HERC1: variants seen among roughly 807,000 people sequenced by gnomAD.
HERC1 encodes the protein HECT and RLD domain containing E3 ubiquitin protein ligase family member 1.
In HERC1, 160 loss-of-function variants were observed where a neutral mutation model predicts 554.3. The ratio of observed to expected loss-of-function variants is 0.29; its 90% CI spans 0.25 to 0.33. The LOEUF (loss-of-function observed/expected upper bound fraction) is 0.33, where lower values mean the gene tolerates loss of function less well. HERC1 is among the 10% of genes least tolerant of loss of function. HERC1 has a pLI of 1.00. For missense variants in HERC1, 4,919 were observed against 5,918.5 expected, an observed-to-expected ratio of 0.83 and a Z score of 5.54; for synonymous variants, 2,175 against 2,131.7, an observed-to-expected ratio of 1.02 and a Z score of -0.56.
In HERC1 at chr15:63,630,502, T is replaced by A; in HGVS notation, c.12930A>T (p.Gly4310=). 1.9e-6 allele frequency: 3 copies of A among 1,613,916 alleles called. No individual in the cohort carries two copies. The highest frequency in any genetic ancestry group is 2.5e-6 in the Non-Finnish European group (3 of 1,179,856). ...AATTGCTCCCCCAGGCATACACATCTCCATTTGATGCCAAAGCAAGTGTGT... is the reference window on the plus strand; with the variant it reads ...AATTGCTCCCCCAGGCATACACATCACCATTTGATGCCAAAGCAAGTGTGT... ...AEHTLALASN[G]DVYAWGSNSE... Residue 4310 remains glycine, a synonymous_variant, in exon 69 of 78, where the codon GGA becomes GGT. Transcript: ENST00000443617.
At position 63,769,442 on chromosome 15, in the gene HERC1, G is replaced by T. The variant is rs539033875; in HGVS notation, c.931-5251C>A. 8.5e-5 allele frequency among the ~76,000 whole-genome samples: 13 copies of T among 152,162 alleles called. No homozygotes were observed. The South Asian group carries it at 2.7e-3, about 32-fold the overall frequency. Reference sequence around the variant, plus strand: ...TTCCAAAAAAAACAGGGCTAAAGCTGGGCATTTTTAGAGAAAATAAATTTT... The same window carrying T: ...TTCCAAAAAAAACAGGGCTAAAGCTTGGCATTTTTAGAGAAAATAAATTTT... On this transcript the variant is annotated intron_variant, in intron 2 of 77. Transcript: ENST00000443617.
At chr15:63,721,290 G>A (rs1255396297) in intron 19 of HERC1, among the ~76,000 whole-genome samples, 9 of 152,264 alleles carry the variant, frequency 5.9e-5, no homozygotes, top group South Asian at 2.1e-4. Context: ...TTGGGAAGCC[G>A]AGGCGGATGG....
At chr15:63,717,981 T>C (rs969091741) in intron 21 of HERC1, among the ~76,000 whole-genome samples, 2 of 152,190 alleles carry the variant, frequency 1.3e-5, no homozygotes, top group Non-Finnish European at 1.5e-5. Context: ...CCCCATTTGA[T>C]TGTTACCCTT....
rs1275714724 is a variant in HERC1, at chr15:63,749,008, G to T, written c.2219+359C>A. ...AACCAACCAGATTGAGAGCACTGAG[G>T]TTAAACATTAAATCAATAAAGCCTA... On this transcript the variant is annotated intron_variant, in intron 10 of 77. Transcript: ENST00000443617. The surrounding 1 kb of genome is among the most constrained non-coding windows in gnomAD (Gnocchi z 4.1). Among the ~76,000 whole-genome samples the T allele has an allele frequency of 6.6e-6, 1 of 150,996 alleles. No homozygotes were observed. The highest frequency in any genetic ancestry group is 1.9e-4 in the East Asian group (1 of 5,180).
At chr15:63,696,363 G>T (rs1009658996) in intron 26 of HERC1, 24 bp from the exon 27 acceptor site, 2 of 1,543,670 alleles carry the variant, frequency 1.3e-6, no homozygotes, top group Non-Finnish European at 1.8e-6. Context: ...ACATATTTTA[G>T]AGTTCTTCAC....
intron 66 of HERC1, 34 bp from the exon 67 acceptor site, chr15:63,634,004 A>C (rs1413848825): frequency 6.2e-7 from 1 of 1,612,942 alleles, no homozygotes; most frequent in Non-Finnish European, 8.5e-7. Context: ...AAGGCAAATC[A>C]CAAGACCTAA....
chr15:63,743,190 G>A (rs1157528360), intron 12 of HERC1, among the ~76,000 whole-genome samples: 7 of 150,696 alleles, frequency 4.6e-5, no homozygotes, highest in Non-Finnish European at 1.0e-4. Context: ...TCCTGTAGGT[G>A]TGCTTCAACC....
Position 63,612,645 on chromosome 15 carries a change from C to T in HERC1, c.14095-89G>A, listed in dbSNP as rs375073960. ...TGTGGGGCTAGGCGCCTCCTGATGC[C>T]TGCTCGTCCGCTCCCCAGACCCTCT... On this transcript the variant is annotated intron_variant, in intron 76 of 77. Transcript: ENST00000443617. The surrounding 1 kb of genome is among the most constrained non-coding windows in gnomAD (Gnocchi z 5.0). The T allele has an allele frequency of 3.8e-5, 49 of 1,292,472 alleles. 1 individual carries two copies. The highest frequency in any genetic ancestry group is 1.2e-4 in the East Asian group (5 of 41,944). The allele number at this position is 1,292,472 out of a possible 1,614,324, so 80.1% of individuals were successfully genotyped here. A position where few individuals can be genotyped will look rare whatever the true frequency, so the allele number is the denominator to read the frequency against.
intron 34 of HERC1, among the ~76,000 whole-genome samples, chr15:63,682,596 A>C (rs62014182): frequency 6.6e-6 from 1 of 152,124 alleles, no homozygotes; most frequent in East Asian, 1.9e-4. Flanking sequence ...GAAAGCAAGA[A>C]CCCCATCTCT....
Position 63,694,067 on chromosome 15 carries a change from A to C in HERC1, c.5571T>G (p.Gly1857=). The C allele has an allele frequency of 6.2e-7, 1 of 1,609,000 alleles. No homozygotes were observed. Among genetic ancestry groups the C allele is most frequent in the Non-Finnish European group, 8.5e-7 (1 of 1,177,526 alleles). Residue 1857 remains glycine (G), a synonymous_variant, in exon 30 of 78, where the codon GGT becomes GGG. Transcript: ENST00000443617. This position sits in a 1 kb window ranked among gnomAD's most constrained non-coding sequence, Gnocchi z 4.3. ...SQLKNLLSQT[G]VLHMASFGEG... Reference sequence around the variant, plus strand: ...CTCCGAAAGAGGCCATATGTAGTACACCAGTTTGGGACAATAAATTCTTCA... The same window carrying C: ...CTCCGAAAGAGGCCATATGTAGTACCCCAGTTTGGGACAATAAATTCTTCA...
intron 60 of HERC1, 111 bp downstream of exon 60, chr15:63,641,359 C>G (rs535559682): frequency 1.6e-4 from 140 of 850,624 alleles, no homozygotes; most frequent in Non-Finnish European, 2.2e-4. Flanking sequence ...CCCAAATAGC[C>G]CCACTTATTA....
chr15:63,667,109 T>C (rs1162464606), intron 40 of HERC1, among the ~76,000 whole-genome samples: 1 of 152,218 alleles, frequency 6.6e-6, no homozygotes, highest in Non-Finnish European at 1.5e-5. Context: ...TGAGCTATAG[T>C]GTTGGTGGCC....
At chr15:63,814,961 G>A (rs960044792) in intron 1 of HERC1, among the ~76,000 whole-genome samples, 1 of 152,208 alleles carries the variant, frequency 6.6e-6, no homozygotes, top group Non-Finnish European at 1.5e-5. Flanking sequence ...TATAACCTCA[G>A]ATCTCATGTA....
intron 2 of HERC1, among the ~76,000 whole-genome samples, chr15:63,772,992 T>C (rs1439414777): frequency 4.6e-5 from 7 of 152,164 alleles, no homozygotes; most frequent in Non-Finnish European, 5.9e-5. Context: ...TTCAACATAA[T>C]TGGATTTTAT....
chr15:63,722,349 C>T (rs978097008), intron 19 of HERC1, among the ~76,000 whole-genome samples: 1 of 152,136 alleles, frequency 6.6e-6, no homozygotes, highest in Non-Finnish European at 1.5e-5. Flanking sequence ...CTTCTAAGTA[C>T]ACATCCTTTC....
intron 48 of HERC1, among the ~76,000 whole-genome samples, chr15:63,657,840 C>G (rs1322065396): frequency 6.7e-6 from 1 of 150,350 alleles, no homozygotes; most frequent in South Asian, 2.1e-4. Context: ...CTTTTTTTTT[C>G]TATGTGGATA....
chr15:63,647,870 G>GTGGAATGAT (rs551887669), intron 55 of HERC1, among the ~76,000 whole-genome samples, 199 bp downstream of exon 55: 1 of 152,244 alleles, frequency 6.6e-6, no homozygotes, highest in Non-Finnish European at 1.5e-5. Context: ...GGCCTAGAGT[G>GTGGAATGAT]TGGAATGATA....
chr15:63,770,083 T>C (rs550930908), intron 2 of HERC1, among the ~76,000 whole-genome samples: 1 of 152,128 alleles, frequency 6.6e-6, no homozygotes, highest in Admixed American at 6.5e-5. Flanking sequence ...GCCTATAGCA[T>C]GGGATACAGG....
chr15:63,794,739 C>T (rs983821080), intron 1 of HERC1, among the ~76,000 whole-genome samples: 3 of 152,192 alleles, frequency 2.0e-5, no homozygotes, highest in Non-Finnish European at 2.9e-5. Flanking sequence ...CAGCTAAGAT[C>T]CCTACTTTCC....
Sources: gnomAD v4.1 joint callset for allele counts (sites outside exome capture counted in the v4.1 genomes callset) on GRCh38, gnomAD v4.1.1 for gene constraint, Gnocchi (gnomAD v3.1) non-coding constraint, MANE v1.5 for transcripts, NCBI Gene and HGNC (gene_info 2026-07-23, HGNC 2026-07-21) for gene names.